The following GRM8 variants were observed in gnomAD, a reference collection of about 807,000 sequenced individuals.
The protein encoded by GRM8 is metabotropic glutamate receptor 8.
In GRM8, 47 loss-of-function variants were observed where a neutral mutation model predicts 87.2. The observed-to-expected ratio is 0.54, with a 90% CI of 0.43 to 0.69. The LOEUF (loss-of-function observed/expected upper bound fraction) is 0.69, where lower values mean the gene tolerates loss of function less well. Ranked by LOEUF, GRM8 falls within the 30% of genes least tolerant of loss-of-function variation. GRM8 has a pLI of 0.00. For synonymous variants in GRM8, 396 were observed against 404.5 expected (o/e 0.98, Z 0.25); for missense variants, 1,019 against 1,139.2 (o/e 0.89, Z 1.52).
chr7:126,451,247 C>T (rs3948750), intron 9 of GRM8, among the ~76,000 whole-genome samples: 2 of 151,812 alleles, frequency 1.3e-5, no homozygotes, highest in Non-Finnish European at 2.9e-5. Context: ...TAAACTTGAT[C>T]TCCCAGTGGT....
chr7:126,698,981 A>C (rs1331259346), intron 7 of GRM8, among the ~76,000 whole-genome samples: 1 of 152,182 alleles, frequency 6.6e-6, no homozygotes, highest in African/African-American at 2.4e-5. Flanking sequence ...AAGGTAAATA[A>C]ACTTTCTTTG....
chr7:126,793,699 T>C (rs141036151), intron 6 of GRM8, among the ~76,000 whole-genome samples: 8 of 152,342 alleles, frequency 5.3e-5, no homozygotes, highest in African/African-American at 1.9e-4. Context: ...TTAGACAGGT[T>C]GATCCAATTG....
At chr7:127,115,130 C>T (rs1826625127) in intron 2 of GRM8, among the ~76,000 whole-genome samples, 1 of 152,176 alleles carries the variant, frequency 6.6e-6, no homozygotes, top group Admixed American at 6.5e-5. Flanking sequence ...CTCATACACA[C>T]CTCCTGCTGG....
intron 3 of GRM8, among the ~76,000 whole-genome samples, chr7:126,949,394 T>G (rs1807893040): frequency 6.6e-6 from 1 of 151,866 alleles, no homozygotes; most frequent in African/African-American, 2.4e-5. Flanking sequence ...AAATAAAATA[T>G]CAGATCTACC....
chr7:126,569,166 A>G (rs1410358628), intron 8 of GRM8, among the ~76,000 whole-genome samples: 1 of 152,144 alleles, frequency 6.6e-6, no homozygotes, highest in Non-Finnish European at 1.5e-5. Context: ...ACTATCTAAC[A>G]AGAAAAATTT....
intron 9 of GRM8, among the ~76,000 whole-genome samples, chr7:126,471,549 T>C (rs1335489606): frequency 6.6e-6 from 1 of 151,994 alleles, no homozygotes; most frequent in Non-Finnish European, 1.5e-5. Flanking sequence ...CATTGATCTA[T>C]ATCTCTGTTT....
chr7:127,154,871 GA>G (rs1268340094), intron 2 of GRM8, among the ~76,000 whole-genome samples: 1 of 151,918 alleles, frequency 6.6e-6, no homozygotes, highest in Non-Finnish European at 1.5e-5. Flanking sequence ...AAACTGTCTA[GA>G]AACAAGAAGG....
intron 7 of GRM8, among the ~76,000 whole-genome samples, chr7:126,687,682 G>C (rs530363112): frequency 6.6e-6 from 1 of 150,504 alleles, no homozygotes. Flanking sequence ...CTGTTTTACA[G>C]GGTGGTTTAG....
At chr7:126,611,520 G>A (rs951889528) in intron 7 of GRM8, among the ~76,000 whole-genome samples, 1 of 152,106 alleles carries the variant, frequency 6.6e-6, no homozygotes, top group African/African-American at 2.4e-5. Context: ...ATTTCTGGCT[G>A]GAAAAACACG....
At chr7:126,532,199 A>C (rs181947370) in intron 9 of GRM8, among the ~76,000 whole-genome samples, 92 of 152,362 alleles carry the variant, frequency 6.0e-4, no homozygotes, top group Admixed American at 1.4e-3. Context: ...AACATTAACA[A>C]GAGATTAGTG....
At chr7:126,994,695 T>A (rs1306854517) in intron 3 of GRM8, among the ~76,000 whole-genome samples, 1 of 152,042 alleles carries the variant, frequency 6.6e-6, no homozygotes, top group African/African-American at 2.4e-5. Context: ...AGCTTTGTCT[T>A]ATGGTCTGAG....
At chr7:127,059,331 CTT>C (rs10618329) in intron 3 of GRM8, among the ~76,000 whole-genome samples, 2,093 of 130,554 alleles carry the variant, frequency 0.016, 37 homozygotes, top group African/African-American at 0.054. Context: ...TTTTTTTTTG[CTT>C]TTTTTTTTTT....
intron 7 of GRM8, among the ~76,000 whole-genome samples, chr7:126,757,964 T>G (rs1232704175): frequency 6.6e-6 from 1 of 152,110 alleles, no homozygotes; most frequent in Non-Finnish European, 1.5e-5. Context: ...AGGAGGTGAC[T>G]GCAAGAGAAA....
intron 6 of GRM8, among the ~76,000 whole-genome samples, chr7:126,889,492 C>A (rs1262491510): frequency 7.2e-5 from 11 of 151,956 alleles, no homozygotes; most frequent in Non-Finnish European, 2.9e-5. Context: ...AGTAGCACAC[C>A]CCCACCATCT....
At chr7:127,001,386 C>A (rs1485227253) in intron 3 of GRM8, among the ~76,000 whole-genome samples, 1 of 151,554 alleles carries the variant, frequency 6.6e-6, no homozygotes, top group Non-Finnish European at 1.5e-5. Context: ...TGTTTGTATA[C>A]ATACATGTGT....
At chr7:127,014,855 A>G (rs1181968470) in intron 3 of GRM8, among the ~76,000 whole-genome samples, 1 of 151,296 alleles carries the variant, frequency 6.6e-6, no homozygotes. Flanking sequence ...AAGGAAAGTC[A>G]GTTGACGAGT....
At chr7:126,586,026 A>G (rs1796084881) in intron 8 of GRM8, among the ~76,000 whole-genome samples, 1 of 152,128 alleles carries the variant, frequency 6.6e-6, no homozygotes, top group South Asian at 2.1e-4. Context: ...AAGCATTCTC[A>G]TATACCAATA....
chr7:127,237,817 C>T (rs950373), intron 2 of GRM8, among the ~76,000 whole-genome samples: 25,814 of 152,114 alleles, frequency 0.17, 2,494 homozygotes, highest in Middle Eastern at 0.33. Context: ...CCCAGTGCAT[C>T]TTTGTGGACA....
At chr7:127,040,255 T>C (rs1025843852) in intron 3 of GRM8, among the ~76,000 whole-genome samples, 5 of 152,126 alleles carry the variant, frequency 3.3e-5, no homozygotes, top group Middle Eastern at 3.4e-3. Context: ...ACGGGCAGCA[T>C]TGGTGATGGG....
Sources: gnomAD v4.1 joint callset for allele counts (sites outside exome capture counted in the v4.1 genomes callset) on GRCh38, gnomAD v4.1.1 for gene constraint, MANE v1.5 for transcripts, NCBI Gene and HGNC (gene_info 2026-07-23, HGNC 2026-07-21) for gene names.